Variants in CAP2 observed in about 807,000 individuals in gnomAD.
CAP2 encodes cyclase associated actin cytoskeleton regulatory protein 2, also known as adenylyl cyclase-associated protein 2.
A neutral mutation model predicts 57.7 loss-of-function variants in CAP2; 24 were observed. The ratio of observed to expected loss-of-function variants is 0.42; its 90% CI spans 0.30 to 0.58. The LOEUF is 0.58. Ranked by LOEUF, CAP2 falls within the 20% of genes least tolerant of loss-of-function variation. The probability of loss-of-function intolerance (pLI) is 0.22; values close to 1 mark genes in which losing one functional copy is unlikely to be tolerated. For synonymous variants in CAP2, 194 were observed against 207.2 expected (o/e 0.94, Z 0.55); for missense variants, 501 against 590.3 (o/e 0.85, Z 1.57).
At chr6:17,523,383 G>T (rs887793299) in intron 7 of CAP2, among the ~76,000 whole-genome samples, 1 of 152,146 alleles carries the variant, frequency 6.6e-6, no homozygotes, top group African/African-American at 2.4e-5. Context: ...TGTGTTTGAG[G>T]TGCGGGAGGT....
At chr6:17,479,727 T>G (rs1180732815) in intron 4 of CAP2, among the ~76,000 whole-genome samples, 1 of 149,388 alleles carries the variant, frequency 6.7e-6, no homozygotes, top group Admixed American at 6.7e-5. Flanking sequence ...TTCTCCTGCC[T>G]CAGCCTCCCG....
Position 17,551,493 on chromosome 6 carries a change from T to G in CAP2, c.1239T>G (p.Ile413Met). The G allele has an allele frequency of 6.2e-7, 1 of 1,609,168 alleles. No individual in the cohort carries two copies. Among genetic ancestry groups the G allele is most frequent in the Non-Finnish European group, 8.5e-7 (1 of 1,177,112 alleles). The change falls in exon 12 of 13, where the codon ATT becomes ATG. Residue 413 changes from isoleucine (I) to methionine (M), a missense_variant. Ile to Met is a conservative substitution (Grantham distance 10). Coordinates refer to ENST00000229922, the MANE Select transcript of CAP2 (RefSeq NM_006366.3). ...TGGGGAGAGTGCCAACAATTTCCAT[T>G]AATAAGACAGAAGGTTGCCACATAT... is the stretch of plus-strand genomic sequence containing the variant. ...QVMGRVPTIS[I>M]NKTEGCHIYL...
intron 3 of CAP2, among the ~76,000 whole-genome samples, chr6:17,437,829 A>C (rs1759936364): frequency 6.6e-6 from 1 of 152,106 alleles, no homozygotes; most frequent in African/African-American, 2.4e-5. Flanking sequence ...GTGAACAGAG[A>C]TCACGCCACT....
chr6:17,539,410 C>G lies in CAP2; in HGVS notation c.778C>G (p.Arg260Gly). Reference sequence around the variant, plus strand: ...CAAAAAAGAGGAATCTTCTCCTTCACGCTCAGCTTTATTTGCCCAACTTAA... The same window carrying G: ...CAAAAAAGAGGAATCTTCTCCTTCAGGCTCAGCTTTATTTGCCCAACTTAA... ...EGKKEESSPS[R>G]SALFAQLNQG... Residue 260 changes from arginine to glycine, a missense_variant, in exon 8 of 13, where the codon CGC (arginine) becomes GGC (glycine). Transcript: ENST00000229922. 6.2e-7 allele frequency: 1 copy of G among 1,614,188 alleles called. No homozygotes were observed. Among genetic ancestry groups the G allele is most frequent in the Non-Finnish European group, 8.5e-7 (1 of 1,180,026 alleles).
intron 2 of CAP2, among the ~76,000 whole-genome samples, chr6:17,426,370 G>T (rs73367889): frequency 0.096 from 14,560 of 151,368 alleles, 2,234 homozygotes; most frequent in African/African-American, 0.32. Flanking sequence ...TGAGTAGCTG[G>T]GATTAAAGAT....
At chr6:17,549,611 G>A (rs1392446299) in intron 11 of CAP2, among the ~76,000 whole-genome samples, 2 of 152,184 alleles carry the variant, frequency 1.3e-5, no homozygotes, top group Non-Finnish European at 2.9e-5. Flanking sequence ...AAGTATAGAT[G>A]CCAGTTAATA....
intron 4 of CAP2, 90 bp downstream of exon 4, chr6:17,463,163 C>A: frequency 1.1e-6 from 1 of 876,074 alleles, no homozygotes; most frequent in South Asian, 1.4e-5. Context: ...TTATTATAGT[C>A]GACCTCCTAA....
intron 2 of CAP2, among the ~76,000 whole-genome samples, chr6:17,422,008 G>A (rs139274299): frequency 2.3e-3 from 356 of 152,184 alleles, no homozygotes; most frequent in African/African-American, 8.1e-3. Context: ...TCGGCCTCCC[G>A]AAGTGCTGGG....
At chr6:17,461,295 C>T (rs971187610) in intron 3 of CAP2, among the ~76,000 whole-genome samples, 8 of 151,734 alleles carry the variant, frequency 5.3e-5, no homozygotes, top group African/African-American at 1.2e-4. Flanking sequence ...AGCACAATCT[C>T]GGCTCACTGC....
At chr6:17,403,098 T>C (rs1360655374) in intron 1 of CAP2, among the ~76,000 whole-genome samples, 1 of 152,076 alleles carries the variant, frequency 6.6e-6, no homozygotes, top group Admixed American at 6.6e-5. Flanking sequence ...TTATTTTTAT[T>C]TTATTATTAT....
At chr6:17,430,175 G>A (rs1388339060) in intron 3 of CAP2, among the ~76,000 whole-genome samples, 1 of 152,136 alleles carries the variant, frequency 6.6e-6, no homozygotes, top group Admixed American at 6.5e-5. Context: ...ACACTCAATA[G>A]CCTATTGACA....
intron 1 of CAP2, among the ~76,000 whole-genome samples, chr6:17,409,876 C>G (rs894919002): frequency 2.0e-5 from 3 of 152,098 alleles, no homozygotes; most frequent in Non-Finnish European, 4.4e-5. Context: ...ATCTAAACTT[C>G]CCTTAGATCT....
chr6:17,541,922 G>T (rs1344440866), intron 9 of CAP2, among the ~76,000 whole-genome samples: 2 of 152,032 alleles, frequency 1.3e-5, no homozygotes, highest in Admixed American at 6.6e-5. Context: ...TTTTGTGAGT[G>T]GTGGTAAAAT....
chr6:17,547,709 C>T (rs989269392), intron 11 of CAP2, among the ~76,000 whole-genome samples: 7 of 151,810 alleles, frequency 4.6e-5, no homozygotes, highest in Admixed American at 1.3e-4. Context: ...GGCGTGGTGG[C>T]GGGTGCCCAT....
intron 3 of CAP2, among the ~76,000 whole-genome samples, chr6:17,447,267 AC>A (rs1414869329): frequency 2.6e-5 from 4 of 151,688 alleles, no homozygotes; most frequent in Non-Finnish European, 5.9e-5. Flanking sequence ...CAGTCCTCCC[AC>A]CATGGCCTCC....
chr6:17,395,138 G>A (rs2113490208), intron 1 of CAP2, among the ~76,000 whole-genome samples: 1 of 152,306 alleles, frequency 6.6e-6, no homozygotes, highest in East Asian at 1.9e-4. Context: ...TTTGCTAGTA[G>A]GAAGTAAGTT....
chr6:17,469,039 C>T (rs1021003294), intron 4 of CAP2, among the ~76,000 whole-genome samples: 1 of 152,248 alleles, frequency 6.6e-6, no homozygotes, highest in African/African-American at 2.4e-5. Context: ...GCCACCTCAC[C>T]TCACCTCACC....
chr6:17,546,242 G>A (rs900044378), intron 11 of CAP2, among the ~76,000 whole-genome samples: 1 of 152,154 alleles, frequency 6.6e-6, no homozygotes, highest in Non-Finnish European at 1.5e-5. Context: ...ATGCTAACTG[G>A]TATGAGATTG....
At chr6:17,415,138 A>G (rs1443067208) in intron 1 of CAP2, among the ~76,000 whole-genome samples, 17 of 152,210 alleles carry the variant, frequency 1.1e-4, no homozygotes, top group Non-Finnish European at 2.5e-4. Flanking sequence ...CAGAATTGGA[A>G]GAGAAACACT....
Sources: gnomAD v4.1 joint callset for allele counts (sites outside exome capture counted in the v4.1 genomes callset) on GRCh38, gnomAD v4.1.1 for gene constraint, MANE v1.5 for transcripts, NCBI Gene and HGNC (gene_info 2026-07-23, HGNC 2026-07-21) for gene names.